The following ERC2 variants were observed in gnomAD, a reference collection of about 807,000 sequenced individuals.
ERC2 encodes ERC protein 2.
A neutral mutation model predicts 114.8 loss-of-function variants in ERC2; 42 were observed. The ratio of observed to expected loss-of-function variants is 0.37; its 90% CI spans 0.29 to 0.47. ERC2 has a LOEUF of 0.47. ERC2 is among the 20% of genes least tolerant of loss of function. The pLI is 0.99. For missense variants in ERC2, 939 were observed against 1,150.7 expected, an observed-to-expected ratio of 0.82 and a Z score of 2.66; for synonymous variants, 454 against 425.5, an observed-to-expected ratio of 1.07 and a Z score of -0.82.
At chr3:55,685,395 CTG>C (rs2062274802) in intron 16 of ERC2, among the ~76,000 whole-genome samples, 1 of 152,200 alleles carries the variant, frequency 6.6e-6, no homozygotes, top group East Asian at 1.9e-4. Flanking sequence ...TAAAAATTAT[CTG>C]TGTTTATTTA....
chr3:55,593,595 A>G (rs556107854), intron 17 of ERC2, among the ~76,000 whole-genome samples: 2 of 152,306 alleles, frequency 1.3e-5, no homozygotes, highest in South Asian at 4.1e-4. Flanking sequence ...AAGTCCATTT[A>G]GCATGTGCCT....
chr3:56,040,057 G>GA (rs1261313434), intron 7 of ERC2, among the ~76,000 whole-genome samples: 1 of 151,764 alleles, frequency 6.6e-6, no homozygotes, highest in Non-Finnish European at 1.5e-5. Context: ...AAAACATAAG[G>GA]AAAAAGCTTT....
At chr3:56,370,001 A>G (rs1203783228) in intron 2 of ERC2, among the ~76,000 whole-genome samples, 1 of 152,140 alleles carries the variant, frequency 6.6e-6, no homozygotes, top group Admixed American at 6.6e-5. Context: ...TATGGCCAAG[A>G]AGCCTAATCC....
chr3:56,068,686 C>T lies in ERC2; in HGVS notation c.1641+12131G>A, dbSNP rs558940042. Among the ~76,000 whole-genome samples the T allele has an allele frequency of 6.6e-5, 10 of 152,268 alleles. 1 individual carries two copies. In the South Asian group the frequency reaches 1.9e-3, roughly 28 times the overall value. ...AGCTTTCTGATGTGGGCATTTAGTG[C>T]TATAAATTTCCCTCTTAACACTGCT... On this transcript the variant is annotated intron_variant, in intron 7 of 17. Transcript: ENST00000288221.
intron 2 of ERC2, among the ~76,000 whole-genome samples, chr3:56,383,844 A>G (rs575148782): frequency 1.3e-5 from 2 of 152,198 alleles, no homozygotes; most frequent in South Asian, 4.1e-4. Context: ...ACATTGAACA[A>G]TATCTCCCCA....
chr3:55,837,237 A>G (rs1369301755), intron 14 of ERC2, among the ~76,000 whole-genome samples: 1 of 152,244 alleles, frequency 6.6e-6, no homozygotes, highest in East Asian at 1.9e-4. Context: ...CATTTGATCC[A>G]GCCATCCCAT....
intron 2 of ERC2, among the ~76,000 whole-genome samples, chr3:56,427,902 G>A (rs923101625): frequency 1.6e-4 from 25 of 152,124 alleles, no homozygotes; most frequent in Non-Finnish European, 2.5e-4. Flanking sequence ...CCCACAAAAC[G>A]TATGCATTAT....
chr3:55,716,886 G>T (rs564358874), intron 15 of ERC2, among the ~76,000 whole-genome samples: 2 of 152,276 alleles, frequency 1.3e-5, no homozygotes, highest in Admixed American at 1.3e-4. Context: ...ATCTATATAT[G>T]GAGACCAAGT....
chr3:56,197,237 G>A (rs2048162503), intron 3 of ERC2, among the ~76,000 whole-genome samples: 1 of 152,186 alleles, frequency 6.6e-6, no homozygotes, highest in Non-Finnish European at 1.5e-5. Context: ...TGGCCTCTCT[G>A]TGTCTCAGCT....
chr3:56,113,366 A>G (rs1011719851), intron 6 of ERC2, among the ~76,000 whole-genome samples: 4 of 152,196 alleles, frequency 2.6e-5, no homozygotes, highest in Non-Finnish European at 5.9e-5. Flanking sequence ...AGAAAACACT[A>G]AGGAGCATCA....
intron 14 of ERC2, among the ~76,000 whole-genome samples, chr3:55,828,553 G>T (rs781324333): frequency 8.0e-5 from 12 of 150,616 alleles, no homozygotes; most frequent in African/African-American, 3.0e-4. Flanking sequence ...GACTGCAAAA[G>T]AGGGCCCTGT....
At chr3:55,894,088 G>A (rs985088172) in intron 13 of ERC2, among the ~76,000 whole-genome samples, 1 of 152,068 alleles carries the variant, frequency 6.6e-6, no homozygotes, top group Non-Finnish European at 1.5e-5. Flanking sequence ...GAGCTAGACT[G>A]CCACTTACTA....
intron 2 of ERC2, among the ~76,000 whole-genome samples, chr3:56,297,267 A>G (rs768862518): frequency 6.9e-4 from 105 of 152,298 alleles, no homozygotes; most frequent in African/African-American, 2.4e-3. Context: ...GCAAAGACCC[A>G]TAAGCTACAT....
At chr3:56,209,963 A>G (rs2150119721) in intron 3 of ERC2, among the ~76,000 whole-genome samples, 1 of 152,292 alleles carries the variant, frequency 6.6e-6, no homozygotes, top group African/African-American at 2.4e-5. Context: ...ATAAAAATAC[A>G]TACTTTACAC....
intron 15 of ERC2, among the ~76,000 whole-genome samples, chr3:55,733,854 C>A (rs1177955226): frequency 6.6e-6 from 1 of 152,146 alleles, no homozygotes; most frequent in Non-Finnish European, 1.5e-5. Flanking sequence ...TAGAGAGCTT[C>A]AGAGCCACAT....
At chr3:55,740,732 C>G (rs957011434) in intron 14 of ERC2, among the ~76,000 whole-genome samples, 4 of 152,104 alleles carry the variant, frequency 2.6e-5, no homozygotes, top group Non-Finnish European at 5.9e-5. Context: ...GCTAACAGAG[C>G]CATTGAATTT....
intron 17 of ERC2, among the ~76,000 whole-genome samples, chr3:55,634,894 T>TG (rs1444148861): frequency 6.6e-6 from 1 of 151,632 alleles, no homozygotes; most frequent in Non-Finnish European, 1.5e-5. Context: ...ATTATTTCTT[T>TG]TTTTTTTTTG....
chr3:55,982,912 C>A (rs544694682), intron 12 of ERC2, among the ~76,000 whole-genome samples: 1 of 152,220 alleles, frequency 6.6e-6, no homozygotes, highest in Non-Finnish European at 1.5e-5. Flanking sequence ...GGAAACATCA[C>A]AAAGAGTTTA....
chr3:56,367,997 G>C (rs1047351117), intron 2 of ERC2, among the ~76,000 whole-genome samples: 2 of 137,172 alleles, frequency 1.5e-5, no homozygotes, highest in Admixed American at 7.2e-5. Context: ...TTTTCTAAAA[G>C]TCATACCCAA....
Sources: allele counts gnomAD v4.1 joint callset (sites outside exome capture counted in the v4.1 genomes callset), GRCh38; gene constraint gnomAD v4.1.1; transcripts MANE v1.5; gene names NCBI Gene and HGNC (gene_info 2026-07-23, HGNC 2026-07-21).